The following TRIM13 variants were observed in gnomAD, a reference collection of about 807,000 sequenced individuals.
The protein encoded by TRIM13 is E3 ubiquitin-protein ligase TRIM13.
Under a neutral mutation model 27.1 loss-of-function variants are expected in TRIM13, and 15 were observed. The ratio of observed to expected loss-of-function variants is 0.55; its 90% CI spans 0.37 to 0.85. The LOEUF (loss-of-function observed/expected upper bound fraction) is 0.85. Among genes scored for constraint, TRIM13 ranks in the 40% least tolerant of loss-of-function variants. The pLI is 0.00. For synonymous variants in TRIM13, 193 were observed against 171.5 expected, an observed-to-expected ratio of 1.13 and a Z score of -0.98; for missense variants, 402 against 472.2, an observed-to-expected ratio of 0.85 and a Z score of 1.38.
rs1212202475 is a variant in TRIM13 at position 50,014,404 on chromosome 13, T to G, written c.*1240T>G. Reference sequence around the variant, plus strand: ...ATGTACACATACATATATATACATATATATGTATATATAGAACACATGGCA... The same window carrying G: ...ATGTACACATACATATATATACATAGATATGTATATATAGAACACATGGCA... On this transcript the variant is annotated 3_prime_UTR_variant, in exon 2 of 2. Transcript: ENST00000378182. The G allele has an allele frequency of 2.0e-5, 3 of 151,684 alleles. No homozygotes were observed. Among genetic ancestry groups the G allele is most frequent in the Non-Finnish European group, 4.6e-5 (3 of 65,108 alleles). The allele number at this position is 151,684 out of a possible 1,614,324, so 9.4% of individuals were successfully genotyped here.
chr13:50,011,495 TA>T (rs1875638016), intron 1 of TRIM13, among the ~76,000 whole-genome samples: 1 of 152,232 alleles, frequency 6.6e-6, no homozygotes, highest in Non-Finnish European at 1.5e-5. Context: ...TGTTTGGATT[TA>T]TATTTCTGTG....
chr13:50,014,625 C>G lies in TRIM13; in HGVS notation c.*1461C>G, dbSNP rs1158206043. 6.0e-6 allele frequency: 1 copy of G among 166,726 alleles called. No homozygotes were observed. The highest frequency in any genetic ancestry group is 1.9e-4 in the East Asian group (1 of 5,186). 10.3% of individuals were successfully genotyped at this position (166,726 alleles called of 1,614,324 possible). A position where few individuals can be genotyped will look rare whatever the true frequency, so the allele number is the denominator to read the frequency against. ...CAGCTGAACACTAATGCTGTTCTGT[C>G]TGCTCACAAGAGATAAAGATACCCT... On this transcript the variant is annotated 3_prime_UTR_variant, in exon 2 of 2. Coordinates refer to ENST00000378182, the MANE Select transcript of TRIM13 (RefSeq NM_213590.3).
chr13:50,000,212 G>A (rs1028433203), intron 1 of TRIM13, among the ~76,000 whole-genome samples: 29 of 152,160 alleles, frequency 1.9e-4, no homozygotes, highest in South Asian at 6.2e-4. Flanking sequence ...ATAAAACTAT[G>A]GTTTTATTTA....
Position 49,997,245 on chromosome 13 carries a change from G to C in TRIM13, c.-525G>C, listed in dbSNP as rs370315275. On this transcript the variant is annotated 5_prime_UTR_variant, in exon 1 of 2. Coordinates refer to ENST00000378182, the MANE Select transcript of TRIM13 (RefSeq NM_213590.3). ...AGCAGGGATCTGCGTGGGTTGGGGG[G>C]GCTGGCGAAGGCCGTCTGAGCTCCA... The C allele has an allele frequency of 9.2e-5, 14 of 152,572 alleles. No homozygotes were observed. The highest frequency in any genetic ancestry group is 1.6e-4 in the Non-Finnish European group (11 of 68,420). 9.5% of individuals were successfully genotyped at this position (152,572 alleles called of 1,614,324 possible).
Position 50,014,748 on chromosome 13 carries a change from TC to T in TRIM13, c.*1586del, listed in dbSNP as rs1254703164. The T allele has an allele frequency of 6.0e-6, 1 of 166,768 alleles. No homozygotes were observed. The highest frequency in any genetic ancestry group is 2.4e-5 in the African/African-American group (1 of 41,378). 10.3% of individuals were successfully genotyped at this position (166,768 alleles called of 1,614,324 possible). The stretch of plus-strand genomic sequence containing the variant: ...TTATTTGTGTCATAGAGTAAGATAT[TC>T]CTTGAAAGCCCATTAAGTGGAATAG... On this transcript the variant is annotated 3_prime_UTR_variant, in exon 2 of 2. Transcript: ENST00000378182.
rs1876124182 is a variant in TRIM13, at chr13:50,014,459, TC to T, written c.*1296del. On this transcript the variant is annotated 3_prime_UTR_variant, in exon 2 of 2. Coordinates refer to ENST00000378182, the MANE Select transcript of TRIM13 (RefSeq NM_213590.3). The stretch of plus-strand genomic sequence containing the variant: ...CAGGAAATGGGAAGACTACCTTTTT[TC>T]TGGCAGCTATGTGTTGTTTTGTTCG... The T allele has an allele frequency of 1.2e-5, 2 of 164,970 alleles. No homozygotes were observed. Among genetic ancestry groups the T allele is most frequent in the South Asian group, 4.2e-4 (2 of 4,756 alleles). 10.2% of individuals were successfully genotyped at this position (164,970 alleles called of 1,614,324 possible).
rs760616735 is a variant in TRIM13, at chr13:50,012,611, C to A, written c.671C>A (p.Thr224Asn). 4.3e-6 allele frequency: 7 copies of A among 1,614,160 alleles called. No homozygotes were observed. The Admixed American group carries it at 1.2e-4, about 27-fold the overall frequency. The part of the protein sequence containing the change: ...AYDPEINKLN[T>N]ILQEQRMAFN... ...GACCCAGAGATCAACAAACTCAACACCATCTTGCAGGAGCAACGGATGGCC... is the reference window on the plus strand; with the variant it reads ...GACCCAGAGATCAACAAACTCAACAACATCTTGCAGGAGCAACGGATGGCC... The change falls in exon 2 of 2, where the codon ACC becomes AAC. Residue 224 changes from threonine (T) to asparagine (N), a missense_variant. Around this residue, in one of 2 missense-constraint regions of TRIM13, gnomAD observed 202 missense variants for 277.5 expected, o/e 0.73. Coordinates refer to ENST00000378182, the MANE Select transcript of TRIM13 (RefSeq NM_213590.3).
chr13:50,000,059 A>G (rs1345017587), intron 1 of TRIM13, among the ~76,000 whole-genome samples: 2 of 152,152 alleles, frequency 1.3e-5, no homozygotes, highest in Non-Finnish European at 2.9e-5. Flanking sequence ...TTCCTACCCC[A>G]TAACTTTTAT....
intron 1 of TRIM13, among the ~76,000 whole-genome samples, chr13:50,010,373 A>G (rs1281232569): frequency 1.3e-5 from 2 of 152,194 alleles, no homozygotes; most frequent in African/African-American, 4.8e-5. Flanking sequence ...TTGTGATACT[A>G]TACAAAAACT....
At chr13:50,007,552 G>A (rs1248561913) in intron 1 of TRIM13, among the ~76,000 whole-genome samples, 11 of 150,580 alleles carry the variant, frequency 7.3e-5, no homozygotes, top group African/African-American at 2.2e-4. Context: ...TTTGGGAGGC[G>A]GGTGGATTGC....
Position 50,015,901 on chromosome 13 carries a change from A to G in TRIM13, c.*2737A>G. The G allele has an allele frequency of 6.2e-7, 1 of 1,614,138 alleles. No individual in the cohort carries two copies. Among genetic ancestry groups the G allele is most frequent in the South Asian group, 1.1e-5 (1 of 91,082 alleles). ...CTTGCAGCAAAACAATTGAGATGCT[A>G]ACAGGGAGGATTACAGTGTTTACAG... On this transcript the variant is annotated 3_prime_UTR_variant, in exon 2 of 2. Coordinates refer to ENST00000378182, the MANE Select transcript of TRIM13 (RefSeq NM_213590.3).
In TRIM13 at chr13:50,012,742, C is replaced by T; in HGVS notation, c.802C>T (p.Pro268Ser). 6.2e-7 allele frequency: 1 copy of T among 1,614,074 alleles called. No homozygotes were observed. The highest frequency in any genetic ancestry group is 8.5e-7 in the Non-Finnish European group (1 of 1,180,010). ...CAAAGTAATCAAGGAAACTCCTTTA[C>T]CTCCCTCTAATTTGCCTGCAAGCCC... is the stretch of plus-strand genomic sequence containing the variant. Reference protein sequence around the residue: ...KIKVIKETPLPPSNLPASPLM... With the variant: ...KIKVIKETPLSPSNLPASPLM... The change falls in exon 2 of 2, where the codon CCT becomes TCT. Residue 268 changes from proline (P) to serine (S), a missense_variant. Pro to Ser is a moderately conservative substitution (Grantham distance 74). Coordinates refer to ENST00000378182, the MANE Select transcript of TRIM13 (RefSeq NM_213590.3).
At chr13:50,002,724 G>A (rs1281781461) in intron 1 of TRIM13, among the ~76,000 whole-genome samples, 1 of 151,442 alleles carries the variant, frequency 6.6e-6, no homozygotes, top group African/African-American at 2.4e-5. Flanking sequence ...GTGCAGTGGT[G>A]CGATCTTGAC....
rs750741179 is a variant in TRIM13, at chr13:50,011,924, T to C, written c.-6-11T>C. 2.5e-6 allele frequency: 4 copies of C among 1,572,960 alleles called. No homozygotes were observed. ...TTATTGGAGTAAAATAATTTTTTTT[T>C]TTTCTGGTAGGATGTGATGGAGCTG... On this transcript the variant is annotated splice_polypyrimidine_tract_variant and intron_variant, in intron 1 of 1. Coordinates refer to ENST00000378182, the MANE Select transcript of TRIM13 (RefSeq NM_213590.3).
chr13:50,009,862 A>T (rs1450937566), intron 1 of TRIM13, among the ~76,000 whole-genome samples: 2 of 151,782 alleles, frequency 1.3e-5, no homozygotes, highest in African/African-American at 4.8e-5. Context: ...CCAGTATTTC[A>T]AGGCTGCAGT....
chr13:50,007,862 T>C (rs1594573819), intron 1 of TRIM13, among the ~76,000 whole-genome samples: 1 of 151,398 alleles, frequency 6.6e-6, no homozygotes, highest in African/African-American at 2.4e-5. Context: ...CTTCTAGATA[T>C]AGTCCAGTCA....
intron 1 of TRIM13, among the ~76,000 whole-genome samples, 176 bp from the exon 2 acceptor site, chr13:50,011,759 C>A (rs1309377061): frequency 2.0e-5 from 3 of 152,214 alleles, no homozygotes; most frequent in African/African-American, 4.8e-5. Context: ...ATGTTCTAGT[C>A]TCAGTGGATT....
rs1196398813 is a variant in TRIM13 at position 50,016,345 on chromosome 13, AAAT to A, written c.*3185_*3187del. 9 of 366,838 alleles carry A rather than the reference AAAT, an allele frequency of 2.5e-5. No homozygotes were observed. The highest frequency in any genetic ancestry group is 4.3e-5 in the Admixed American group (1 of 23,058). 22.7% of individuals were successfully genotyped at this position (366,838 alleles called of 1,614,324 possible). ...CTATGGACATTCAAATCATGGGAGA[AAAT>A]AATTTTGTAGATTATGTTCCATTGC... On this transcript the variant is annotated 3_prime_UTR_variant, in exon 2 of 2. Coordinates refer to ENST00000378182, the MANE Select transcript of TRIM13 (RefSeq NM_213590.3).
At chr13:50,000,739 C>G (rs1873924687) in intron 1 of TRIM13, among the ~76,000 whole-genome samples, 1 of 148,626 alleles carries the variant, frequency 6.7e-6, no homozygotes, top group Non-Finnish European at 1.5e-5. Flanking sequence ...CTTTTTCTCT[C>G]TATTTTCTGA....
Sources: gnomAD v4.1 joint callset for allele counts (sites outside exome capture counted in the v4.1 genomes callset) on GRCh38, gnomAD v4.1.1 for gene constraint, gnomAD v4.1.1 regional missense constraint, MANE v1.5 for transcripts, NCBI Gene and HGNC (gene_info 2026-07-23, HGNC 2026-07-21) for gene names.